IMMP2L: variants seen among roughly 807,000 people sequenced by gnomAD.
IMMP2L encodes the protein mitochondrial inner membrane protease subunit 2.
Under a neutral mutation model 19.3 loss-of-function variants are expected in IMMP2L, and 18 were observed. The ratio of observed to expected loss-of-function variants is 0.93; its 90% CI spans 0.64 to 1.38. The LOEUF (loss-of-function observed/expected upper bound fraction) is 1.38, where lower values mean the gene tolerates loss of function less well. Among genes scored for constraint, IMMP2L ranks in the 40% most tolerant of loss-of-function variants. IMMP2L has a pLI of 0.00. For missense variants in IMMP2L, 233 were observed against 218.2 expected (o/e 1.07, Z -0.43); for synonymous variants, 76 against 73.0 (o/e 1.04, Z -0.21).
chr7:110,695,667 G>A (rs1264317387), intron 5 of IMMP2L, among the ~76,000 whole-genome samples: 1 of 152,178 alleles, frequency 6.6e-6, no homozygotes, highest in Non-Finnish European at 1.5e-5. Flanking sequence ...TGATAGAAAA[G>A]GATATGCTTC....
intron 5 of IMMP2L, among the ~76,000 whole-genome samples, chr7:110,689,648 T>A (rs1793358912): frequency 2.0e-5 from 3 of 152,190 alleles, no homozygotes; most frequent in African/African-American, 7.2e-5. Context: ...ATCTTTGAGA[T>A]CATCCTCAAA....
intron 5 of IMMP2L, among the ~76,000 whole-genome samples, chr7:110,777,583 G>C (rs1799476380): frequency 6.6e-6 from 1 of 151,976 alleles, no homozygotes; most frequent in Non-Finnish European, 1.5e-5. Flanking sequence ...AAGCTGCAGA[G>C]CTGGAGAATG....
At chr7:110,701,279 C>T (rs1372231839) in intron 5 of IMMP2L, among the ~76,000 whole-genome samples, 1 of 151,956 alleles carries the variant, frequency 6.6e-6, no homozygotes, top group Admixed American at 6.6e-5. Context: ...CATTTACTGC[C>T]CCTAATAGCA....
chr7:111,483,347 C>T (rs1308540699), intron 3 of IMMP2L: 1 of 152,092 alleles, frequency 6.6e-6, no homozygotes, highest in Non-Finnish European at 1.5e-5. Flanking sequence ...GGCCATCACA[C>T]AGGTTAACGA....
In IMMP2L at chr7:110,837,765, A is replaced by T. The variant is rs10251207; in HGVS notation, c.408+48828T>A. Among the ~76,000 whole-genome samples the T allele has an allele frequency of 6.3e-3, 965 of 152,268 alleles. 7 individuals carry two copies. The highest frequency in any genetic ancestry group is 0.022 in the African/African-American group (920 of 41,578). The stretch of plus-strand genomic sequence containing the variant: ...GGGTTGGGAGGAAGGCAGGAAGGGT[A>T]ATGTTTACTGAAAGTGTATTTCTGA... On this transcript the variant is annotated intron_variant, in intron 5 of 5. Coordinates refer to ENST00000405709, the MANE Select transcript of IMMP2L (RefSeq NM_032549.4).
At chr7:111,361,434 A>T (rs897352149) in intron 3 of IMMP2L, among the ~76,000 whole-genome samples, 1 of 152,146 alleles carries the variant, frequency 6.6e-6, no homozygotes, top group Admixed American at 6.6e-5. Flanking sequence ...ATTATCTGGG[A>T]GTATATTTTA....
At chr7:110,947,816 C>G (rs1817408926) in intron 4 of IMMP2L, among the ~76,000 whole-genome samples, 1 of 152,164 alleles carries the variant, frequency 6.6e-6, no homozygotes, top group Middle Eastern at 3.2e-3. Flanking sequence ...TCACTGTCTG[C>G]TCCTGGCTTC....
At chr7:111,290,268 C>A (rs531550672) in intron 3 of IMMP2L, among the ~76,000 whole-genome samples, 1 of 152,064 alleles carries the variant, frequency 6.6e-6, no homozygotes, top group African/African-American at 2.4e-5. Context: ...CTGTTGAATC[C>A]TTTCATACTC....
At chr7:110,978,873 A>G (rs1820965349) in intron 3 of IMMP2L, among the ~76,000 whole-genome samples, 1 of 152,098 alleles carries the variant, frequency 6.6e-6, no homozygotes, top group African/African-American at 2.4e-5. Context: ...GCCCTGTTTA[A>G]TAAAAATGGA....
intron 3 of IMMP2L, among the ~76,000 whole-genome samples, chr7:111,175,624 A>C (rs1806965805): frequency 6.6e-6 from 1 of 151,840 alleles, no homozygotes; most frequent in Non-Finnish European, 1.5e-5. Context: ...ACAAAAATCA[A>C]ATCAAAATGG....
intron 3 of IMMP2L, among the ~76,000 whole-genome samples, chr7:111,120,225 G>C (rs573085056): frequency 6.6e-6 from 1 of 152,092 alleles, no homozygotes; most frequent in African/African-American, 2.4e-5. Flanking sequence ...TTCTCATGCT[G>C]CTAATAGAGA....
In IMMP2L at chr7:111,232,785, T is replaced by G. The variant is rs181566512; in HGVS notation, c.239+254453A>C. Among the ~76,000 whole-genome samples the G allele has an allele frequency of 7.2e-5, 11 of 152,180 alleles. No individual in the cohort carries two copies. The East Asian group carries it at 2.1e-3, about 29-fold the overall frequency. On this transcript the variant is annotated intron_variant, in intron 3 of 5. Coordinates refer to ENST00000405709, the MANE Select transcript of IMMP2L (RefSeq NM_032549.4). Reference sequence around the variant, plus strand: ...GTTTACAAGATAAATATTAACCCTATAGCTTATCTCTGCTACCTTTACCTC... The same window carrying G: ...GTTTACAAGATAAATATTAACCCTAGAGCTTATCTCTGCTACCTTTACCTC...
intron 3 of IMMP2L, among the ~76,000 whole-genome samples, chr7:111,260,025 G>A (rs998735399): frequency 3.3e-5 from 5 of 151,984 alleles, no homozygotes; most frequent in Non-Finnish European, 5.9e-5. Flanking sequence ...CCTTCTTCTG[G>A]AATACCTACT....
intron 5 of IMMP2L, among the ~76,000 whole-genome samples, chr7:110,698,589 T>C (rs1229300292): frequency 3.9e-5 from 6 of 152,140 alleles, no homozygotes; most frequent in Non-Finnish European, 5.9e-5. Context: ...GCAGCAGCCA[T>C]AGAAACTGAC....
intron 1 of IMMP2L, among the ~76,000 whole-genome samples, chr7:111,533,173 T>C (rs767427123): frequency 9.2e-5 from 14 of 152,192 alleles, no homozygotes; most frequent in Non-Finnish European, 1.9e-4. Flanking sequence ...GAGCACAGCA[T>C]TACCCAGACT....
chr7:110,939,803 C>T (rs1816538777), intron 4 of IMMP2L, among the ~76,000 whole-genome samples: 1 of 152,074 alleles, frequency 6.6e-6, no homozygotes. Context: ...GAAAAGCTCC[C>T]AAGTGCAGCA....
chr7:111,382,502 G>A (rs2131238586), intron 3 of IMMP2L, among the ~76,000 whole-genome samples: 1 of 152,128 alleles, frequency 6.6e-6, no homozygotes, highest in South Asian at 2.1e-4. Flanking sequence ...ATAAACAACT[G>A]TTTCTAAAAT....
At chr7:111,337,898 T>A (rs1245752065) in intron 3 of IMMP2L, among the ~76,000 whole-genome samples, 1 of 152,122 alleles carries the variant, frequency 6.6e-6, no homozygotes, top group East Asian at 1.9e-4. Flanking sequence ...TCACTAAAAA[T>A]CTGTCATGTG....
At chr7:111,551,513 TG>T (rs1849458749) in intron 1 of IMMP2L, among the ~76,000 whole-genome samples, 2 of 151,524 alleles carry the variant, frequency 1.3e-5, no homozygotes, top group African/African-American at 4.8e-5. Context: ...TGTGTGTGTG[TG>T]TGTGTGTGTG....
Sources: allele counts gnomAD v4.1 joint callset (sites outside exome capture counted in the v4.1 genomes callset), GRCh38; gene constraint gnomAD v4.1.1; transcripts MANE v1.5; gene names NCBI Gene and HGNC (gene_info 2026-07-23, HGNC 2026-07-21).